EYS: variants seen among roughly 807,000 people sequenced by gnomAD.
EYS encodes the protein protein eyes shut homolog.
A neutral mutation model predicts 282.1 loss-of-function variants in EYS; 250 were observed. The observed-to-expected ratio is 0.89, with a 90% CI of 0.80 to 0.98. EYS has a LOEUF of 0.98. EYS is among the 50% of genes least tolerant of loss of function. The pLI, the probability that EYS is intolerant of heterozygous loss-of-function variation, is 0.00. For synonymous variants in EYS, 1,355 were observed against 1,282.9 expected, an observed-to-expected ratio of 1.06 and a Z score of -1.20; for missense variants, 4,016 against 3,709.0, an observed-to-expected ratio of 1.08 and a Z score of -2.15.
At chr6:65,164,664 T>G (rs966751837) in intron 12 of EYS, among the ~76,000 whole-genome samples, 2 of 151,310 alleles carry the variant, frequency 1.3e-5, no homozygotes, top group Admixed American at 1.3e-4. Flanking sequence ...AACAAAACAT[T>G]ACAAACTGGG....
chr6:64,000,169 T>TGTCAG lies in EYS; in HGVS notation c.6726-987_6726-986insCTGAC. 1.5e-4 allele frequency among the ~76,000 whole-genome samples: 3 copies of TGTCAG among 20,478 alleles called. 1 individual carries two copies. Among genetic ancestry groups the TGTCAG allele is most frequent in the South Asian group, 1.6e-3 (1 of 636 alleles). The allele number at this position is 20,478 out of a possible 152,430, so 13.4% of individuals were successfully genotyped here. Reference sequence around the variant, plus strand: ...TGAGGAGTTTCCCAAGACATGGGACTTTTTTTTTTTTTTTTTTTTTTTTTT... The same window carrying TGTCAG: ...TGAGGAGTTTCCCAAGACATGGGACTGTCAGTTTTTTTTTTTTTTTTTTTTTTTTT... On this transcript the variant is annotated intron_variant, in intron 33 of 42. Coordinates refer to ENST00000503581, the MANE Select transcript of EYS (RefSeq NM_001142800.2).
intron 40 of EYS, 188 bp downstream of exon 40, chr6:63,777,818 A>G (rs990420473): frequency 1.6e-5 from 9 of 558,890 alleles, no homozygotes; most frequent in African/African-American, 5.7e-5. Flanking sequence ...AGATGGCATA[A>G]ATGCTGTGCT....
At chr6:65,494,419 A>G (rs1053338053) in intron 4 of EYS, among the ~76,000 whole-genome samples, 9 of 151,468 alleles carry the variant, frequency 5.9e-5, no homozygotes, top group South Asian at 4.2e-4. Context: ...CTGGGACTAC[A>G]GGCGCCCTCC....
chr6:65,151,366 G>C (rs1287920935), intron 12 of EYS, among the ~76,000 whole-genome samples: 1 of 151,966 alleles, frequency 6.6e-6, no homozygotes, highest in Non-Finnish European at 1.5e-5. Context: ...GACAATTTCA[G>C]TTCTGGTATA....
At chr6:65,510,776 AT>A (rs1766838075) in intron 2 of EYS, among the ~76,000 whole-genome samples, 1 of 152,222 alleles carries the variant, frequency 6.6e-6, no homozygotes, top group South Asian at 2.1e-4. Context: ...AAAATAAGGC[AT>A]GTATGTGTGT....
intron 31 of EYS, among the ~76,000 whole-genome samples, chr6:64,154,403 G>T (rs1774845142): frequency 7.8e-6 from 1 of 128,162 alleles, no homozygotes. Flanking sequence ...TCACACCATT[G>T]TACTCCAGTC....
At chr6:64,046,437 A>G (rs1430101496) in intron 33 of EYS, among the ~76,000 whole-genome samples, 1 of 152,158 alleles carries the variant, frequency 6.6e-6, no homozygotes, top group Non-Finnish European at 1.5e-5. Context: ...CTTTATGAGC[A>G]TCTTGCAGTG....
At chr6:65,585,685 T>C (rs1765019873) in intron 2 of EYS, among the ~76,000 whole-genome samples, 1 of 151,962 alleles carries the variant, frequency 6.6e-6, no homozygotes, top group Non-Finnish European at 1.5e-5. Flanking sequence ...ATTAAGGTTG[T>C]CTGGCATATG....
chr6:63,734,181 C>T (rs934176990), intron 41 of EYS, among the ~76,000 whole-genome samples: 1 of 152,076 alleles, frequency 6.6e-6, no homozygotes, highest in Non-Finnish European at 1.5e-5. Context: ...ATGCTCACTA[C>T]CTGGGTGACT....
intron 11 of EYS, among the ~76,000 whole-genome samples, chr6:65,317,828 T>C (rs866378718): frequency 5.2e-5 from 2 of 38,792 alleles, no homozygotes; most frequent in Non-Finnish European, 9.7e-5. Flanking sequence ...CTTCCTTCCT[T>C]TCTTTCTTTC....
At chr6:64,035,335 C>A (rs780275023) in intron 33 of EYS, among the ~76,000 whole-genome samples, 11 of 152,160 alleles carry the variant, frequency 7.2e-5, no homozygotes, top group Non-Finnish European at 8.8e-5. Flanking sequence ...AGAAACTATA[C>A]TTTCATGCTA....
chr6:64,314,726 C>T (rs189823259), intron 29 of EYS, among the ~76,000 whole-genome samples: 9 of 152,122 alleles, frequency 5.9e-5, no homozygotes, highest in African/African-American at 2.2e-4. Context: ...TTCTTTGAAA[C>T]CAATGAGAAC....
chr6:65,058,100 T>C (rs906381607), intron 12 of EYS, among the ~76,000 whole-genome samples: 3 of 152,098 alleles, frequency 2.0e-5, no homozygotes, highest in African/African-American at 7.2e-5. Context: ...AAGAAAATAT[T>C]GGTGAATCAA....
chr6:64,442,003 A>G (rs1481026045), intron 26 of EYS, among the ~76,000 whole-genome samples: 2 of 152,208 alleles, frequency 1.3e-5, no homozygotes, highest in Admixed American at 6.5e-5. Context: ...GAACTGGGCA[A>G]CAGGCAGAGG....
intron 36 of EYS, among the ~76,000 whole-genome samples, chr6:63,848,400 C>A (rs1772154707): frequency 6.6e-6 from 1 of 151,854 alleles, no homozygotes. Context: ...GCAAGATGGC[C>A]AAATAGGAAC....
chr6:65,064,499 A>G (rs1773683120), intron 12 of EYS, among the ~76,000 whole-genome samples: 1 of 146,912 alleles, frequency 6.8e-6, no homozygotes, highest in Non-Finnish European at 1.5e-5. Flanking sequence ...TATAATATAT[A>G]ATATAGTATA....
chr6:63,859,878 C>A (rs912270387), intron 36 of EYS, among the ~76,000 whole-genome samples: 3 of 152,022 alleles, frequency 2.0e-5, no homozygotes, highest in Admixed American at 6.6e-5. Flanking sequence ...TTTCTATTGT[C>A]CCCCAAAGAA....
chr6:64,198,648 A>G (rs1406703661), intron 31 of EYS, among the ~76,000 whole-genome samples: 1 of 152,140 alleles, frequency 6.6e-6, no homozygotes, highest in Admixed American at 6.5e-5. Context: ...CCTGCAAAGG[A>G]TGTGAACTAA....
chr6:64,634,593 G>C (rs1355957133), intron 22 of EYS, among the ~76,000 whole-genome samples: 1 of 149,052 alleles, frequency 6.7e-6, no homozygotes, highest in East Asian at 2.0e-4. Context: ...ACAAAATATT[G>C]AAGTGTGGTA....
Sources: allele counts gnomAD v4.1 joint callset (sites outside exome capture counted in the v4.1 genomes callset), GRCh38; gene constraint gnomAD v4.1.1; transcripts MANE v1.5; gene names NCBI Gene and HGNC (gene_info 2026-07-23, HGNC 2026-07-21).